PPIP5K2: variants seen among roughly 807,000 people sequenced by gnomAD.
PPIP5K2 encodes diphosphoinositol pentakisphosphate kinase 2, also known as inositol hexakisphosphate and diphosphoinositol-pentakisphosphate kinase 2.
In PPIP5K2, 105 loss-of-function variants were observed where a neutral mutation model predicts 154.6. The observed-to-expected ratio is 0.68, with a 90% CI of 0.58 to 0.80. The LOEUF is 0.80. PPIP5K2 is among the 30% of genes least tolerant of loss of function. The pLI is 0.00. For missense variants in PPIP5K2, 992 were observed against 1,504.6 expected (o/e 0.66, Z 5.64); for synonymous variants, 480 against 490.3 (o/e 0.98, Z 0.28).
intron 6 of PPIP5K2, among the ~76,000 whole-genome samples, chr5:103,147,585 A>G (rs1793956371): frequency 6.6e-6 from 1 of 151,962 alleles, no homozygotes; most frequent in South Asian, 2.1e-4. Context: ...CTAAACATAC[A>G]TTGATAGGAG....
intron 29 of PPIP5K2, among the ~76,000 whole-genome samples, chr5:103,192,332 G>A (rs1801364718): frequency 6.6e-6 from 1 of 152,048 alleles, no homozygotes; most frequent in African/African-American, 2.4e-5. Flanking sequence ...AATGAAGGTG[G>A]TAATCTCCTT....
chr5:103,183,176 CTTTTTTTT>C, intron 24 of PPIP5K2, 50 bp from the exon 25 acceptor site: 36 of 538,804 alleles, frequency 6.7e-5, no homozygotes, highest in East Asian at 2.0e-4. Context: ...GCATGCTCTG[CTTTTTTTT>C]TTTTTTTTTT....
At chr5:103,152,508 A>G (rs1794784832) in intron 9 of PPIP5K2, 140 bp from the exon 10 acceptor site, 1 of 550,362 alleles carries the variant, frequency 1.8e-6, no homozygotes, top group African/African-American at 2.0e-5. Context: ...TTTCTTGATC[A>G]GAATGGATTC....
chr5:103,143,344 C>T (rs1430436300), intron 5 of PPIP5K2, among the ~76,000 whole-genome samples: 1 of 152,150 alleles, frequency 6.6e-6, no homozygotes. Flanking sequence ...GCACAAGCCA[C>T]CAGACCCAAG....
chr5:103,161,966 C>G (rs1465858031), intron 17 of PPIP5K2, among the ~76,000 whole-genome samples: 3 of 151,852 alleles, frequency 2.0e-5, no homozygotes, highest in Admixed American at 6.6e-5. Flanking sequence ...AATTAGATCC[C>G]ATTTGTCAAT....
chr5:103,189,331 A>G (rs1800866712), intron 28 of PPIP5K2: 2 of 867,244 alleles, frequency 2.3e-6, no homozygotes, highest in South Asian at 1.8e-5. Context: ...AGATAAGTGG[A>G]AAAAAATGTA....
chr5:103,163,720 G>T (rs1384235440), intron 17 of PPIP5K2, among the ~76,000 whole-genome samples: 2 of 151,674 alleles, frequency 1.3e-5, no homozygotes, highest in Non-Finnish European at 2.9e-5. Flanking sequence ...TTATAAAAAC[G>T]TACTGAATTT....
At chr5:103,157,693 C>T (rs1795629863) in intron 14 of PPIP5K2, among the ~76,000 whole-genome samples, 1 of 146,474 alleles carries the variant, frequency 6.8e-6, no homozygotes, top group Admixed American at 6.9e-5. Flanking sequence ...CCAAGCGAGA[C>T]TCTGTCTCAA....
intron 1 of PPIP5K2, among the ~76,000 whole-genome samples, chr5:103,126,745 G>GT (rs369761352): frequency 0.048 from 6,643 of 137,390 alleles, 318 homozygotes; most frequent in African/African-American, 0.12. Context: ...GCCTTTTCAC[G>GT]TTTTTTTTTT....
intron 19 of PPIP5K2, among the ~76,000 whole-genome samples, chr5:103,170,794 A>G (rs1467781647): frequency 1.3e-5 from 2 of 151,582 alleles, no homozygotes; most frequent in African/African-American, 4.8e-5. Flanking sequence ...AATTATAAAC[A>G]TATTTGCAGT....
At chr5:103,199,019 C>G (rs2149845234) in intron 30 of PPIP5K2, among the ~76,000 whole-genome samples, 1 of 151,780 alleles carries the variant, frequency 6.6e-6, no homozygotes, top group East Asian at 1.9e-4. Flanking sequence ...AATTTTGTAC[C>G]ACTGAAAGTA....
At chr5:103,146,716 C>A (rs781785165) in intron 6 of PPIP5K2, 35 bp downstream of exon 6, 2 of 1,537,958 alleles carry the variant, frequency 1.3e-6, no homozygotes, top group South Asian at 2.4e-5. Context: ...GAATACTCTT[C>A]TTTGTACATT....
intron 17 of PPIP5K2, among the ~76,000 whole-genome samples, chr5:103,164,879 C>A (rs1358870872): frequency 1.3e-5 from 2 of 151,886 alleles, no homozygotes; most frequent in African/African-American, 2.4e-5. Context: ...GGCTTTTATT[C>A]AAAAAAATTC....
At chr5:103,201,243 ATGGT>A (rs1554230176) in intron 30 of PPIP5K2, among the ~76,000 whole-genome samples, 1 of 152,248 alleles carries the variant, frequency 6.6e-6, no homozygotes, top group Non-Finnish European at 1.5e-5. Context: ...AGCACAATGG[ATGGT>A]AGTTAAAAAT....
At chr5:103,199,324 A>C (rs1307601723) in intron 30 of PPIP5K2, among the ~76,000 whole-genome samples, 1 of 152,090 alleles carries the variant, frequency 6.6e-6, no homozygotes, top group East Asian at 1.9e-4. Context: ...CTTAATCTGC[A>C]GGTCTGTTGG....
At chr5:103,199,141 C>T (rs984386170) in intron 30 of PPIP5K2, among the ~76,000 whole-genome samples, 3 of 151,998 alleles carry the variant, frequency 2.0e-5, no homozygotes, top group Non-Finnish European at 4.4e-5. Context: ...CACTACAATA[C>T]AGTGTTATGA....
intron 18 of PPIP5K2, among the ~76,000 whole-genome samples, 185 bp from the exon 19 acceptor site, chr5:103,167,887 C>A (rs1438107400): frequency 1.3e-5 from 2 of 151,922 alleles, no homozygotes; most frequent in South Asian, 2.1e-4. Context: ...AAAGTCTAAG[C>A]CTAGTTCCTA....
At chr5:103,195,763 T>G (rs1369991597) in intron 30 of PPIP5K2, among the ~76,000 whole-genome samples, 2 of 152,208 alleles carry the variant, frequency 1.3e-5, no homozygotes, top group African/African-American at 4.8e-5. Flanking sequence ...ATATCTTTTT[T>G]CCTCAGAGAA....
chr5:103,157,946 T>C (rs1795674387), intron 14 of PPIP5K2, among the ~76,000 whole-genome samples: 1 of 152,092 alleles, frequency 6.6e-6, no homozygotes, highest in South Asian at 2.1e-4. Flanking sequence ...TTTTCTAAAG[T>C]ATGAGAGAGA....
Sources: gnomAD v4.1 joint callset for allele counts (sites outside exome capture counted in the v4.1 genomes callset) on GRCh38, gnomAD v4.1.1 for gene constraint, MANE v1.5 for transcripts, NCBI Gene and HGNC (gene_info 2026-07-23, HGNC 2026-07-21) for gene names.